Variants in EXOC6B observed in about 807,000 individuals in gnomAD.
EXOC6B encodes SEC15 homolog B.
EXOC6B carries 54 observed loss-of-function variants against 113.5 expected under a neutral mutation model. The ratio of observed to expected loss-of-function variants is 0.48; its 90% CI spans 0.38 to 0.60. EXOC6B has a LOEUF of 0.60. EXOC6B is among the 20% of genes least tolerant of loss of function. The pLI is 0.00. For synonymous variants in EXOC6B, 357 were observed against 339.0 expected (o/e 1.05, Z -0.58); for missense variants, 797 against 977.5 (o/e 0.82, Z 2.46).
intron 20 of EXOC6B, among the ~76,000 whole-genome samples, chr2:72,222,240 C>T (rs1343308221): frequency 6.6e-6 from 1 of 152,270 alleles, no homozygotes; most frequent in Non-Finnish European, 1.5e-5. Flanking sequence ...ACTATGACTG[C>T]CACTCTACAC....
chr2:72,552,205 T>A (rs545057485), intron 8 of EXOC6B, among the ~76,000 whole-genome samples: 95 of 152,190 alleles, frequency 6.2e-4, no homozygotes, highest in African/African-American at 2.0e-3. Flanking sequence ...GGGAAAAAAA[T>A]TCATTAAATT....
At chr2:72,728,963 G>A (rs1362526488) in intron 5 of EXOC6B, among the ~76,000 whole-genome samples, 1 of 152,112 alleles carries the variant, frequency 6.6e-6, no homozygotes, top group Admixed American at 6.5e-5. Context: ...CTGCCTACTA[G>A]TATGCAAGCC....
chr2:72,194,214 C>A (rs1399012963), intron 20 of EXOC6B, among the ~76,000 whole-genome samples: 1 of 151,972 alleles, frequency 6.6e-6, no homozygotes, highest in African/African-American at 2.4e-5. Context: ...TAACAACTGG[C>A]GTAAGAATTA....
Position 72,718,280 on chromosome 2 carries a change from T to G in EXOC6B, c.492A>C (p.Glu164Asp), listed in dbSNP as rs1435768789. 7 of 1,613,598 alleles carry G rather than the reference T, an allele frequency of 4.3e-6. No individual in the cohort carries two copies. In the Admixed American group the frequency reaches 1.2e-4, roughly 27 times the overall value. The change falls in exon 6 of 22, where the codon GAA becomes GAC. Residue 164 changes from glutamate to aspartate, a missense_variant. Glu to Asp is a conservative substitution (Grantham distance 45). Coordinates refer to ENST00000272427, the MANE Select transcript of EXOC6B (RefSeq NM_015189.3). ...KRHYPALKTL[E>D]HLEHTYLPQV... Reference sequence around the variant, plus strand: ...GAGGCAGGTAGGTATGCTCTAGATGTTCCAGAGTTTTCAGTGCAGGATAAT... The same window carrying G: ...GAGGCAGGTAGGTATGCTCTAGATGGTCCAGAGTTTTCAGTGCAGGATAAT...
At chr2:72,338,750 C>T (rs189842328) in intron 19 of EXOC6B, among the ~76,000 whole-genome samples, 1 of 151,914 alleles carries the variant, frequency 6.6e-6, no homozygotes, top group Admixed American at 6.6e-5. Flanking sequence ...ATATAATACG[C>T]ACAGAAAACA....
intron 18 of EXOC6B, among the ~76,000 whole-genome samples, chr2:72,423,019 C>A (rs1694993563): frequency 6.6e-6 from 1 of 152,176 alleles, no homozygotes; most frequent in Non-Finnish European, 1.5e-5. Context: ...AAGCTTTATT[C>A]TTTCGCTCTT....
chr2:72,189,493 T>G (rs186319160), intron 20 of EXOC6B, among the ~76,000 whole-genome samples: 1 of 152,362 alleles, frequency 6.6e-6, no homozygotes, highest in East Asian at 1.9e-4. Context: ...CTGGTTATTA[T>G]GTTTTCCTTT....
At chr2:72,393,843 A>C (rs1692547166) in intron 18 of EXOC6B, among the ~76,000 whole-genome samples, 1 of 152,224 alleles carries the variant, frequency 6.6e-6, no homozygotes, top group Non-Finnish European at 1.5e-5. Flanking sequence ...AACAACAATA[A>C]CACCACCAAC....
At chr2:72,278,066 C>A (rs1180470384) in intron 20 of EXOC6B, among the ~76,000 whole-genome samples, 1 of 152,120 alleles carries the variant, frequency 6.6e-6, no homozygotes, top group Non-Finnish European at 1.5e-5. Flanking sequence ...CCATACTAAG[C>A]ATTCAAAAAA....
intron 18 of EXOC6B, among the ~76,000 whole-genome samples, chr2:72,407,975 C>T (rs1020561412): frequency 1.3e-5 from 2 of 152,208 alleles, no homozygotes; most frequent in Non-Finnish European, 2.9e-5. Flanking sequence ...CCCATCGTCT[C>T]AGCCCAAAAT....
chr2:72,817,678 T>C lies in EXOC6B; in HGVS notation c.113+8120A>G, dbSNP rs1686330504. 3.9e-5 allele frequency among the ~76,000 whole-genome samples: 6 copies of C among 152,370 alleles called. No individual in the cohort carries two copies. The South Asian group carries it at 1.2e-3, about 32-fold the overall frequency. On this transcript the variant is annotated intron_variant, in intron 1 of 21. Transcript: ENST00000272427. Reference sequence around the variant, plus strand: ...AAGAAAAGTAAAGTTCCTCCCTTTATTGTTCCCTATCCCAATAATTGGCAT... The same window carrying C: ...AAGAAAAGTAAAGTTCCTCCCTTTACTGTTCCCTATCCCAATAATTGGCAT...
chr2:72,307,822 A>T (rs1291027269), intron 20 of EXOC6B, among the ~76,000 whole-genome samples: 2 of 152,174 alleles, frequency 1.3e-5, no homozygotes, highest in Non-Finnish European at 2.9e-5. Context: ...GTTCTTATAC[A>T]TCTCTTCCAC....
At chr2:72,691,837 C>A (rs563606192) in intron 6 of EXOC6B, among the ~76,000 whole-genome samples, 1 of 148,164 alleles carries the variant, frequency 6.7e-6, no homozygotes, top group Admixed American at 6.7e-5. Context: ...GCCCACCACC[C>A]CACCTGGATT....
chr2:72,563,796 C>A (rs1304407440), intron 7 of EXOC6B, among the ~76,000 whole-genome samples: 1 of 151,966 alleles, frequency 6.6e-6, no homozygotes, highest in Non-Finnish European at 1.5e-5. Flanking sequence ...AAGAAAGTCT[C>A]TAAGAACGGA....
chr2:72,509,458 A>G (rs905035657), intron 11 of EXOC6B, among the ~76,000 whole-genome samples: 2 of 152,208 alleles, frequency 1.3e-5, no homozygotes, highest in African/African-American at 4.8e-5. Context: ...TAAATTTTTT[A>G]TGGTTGTAGA....
intron 18 of EXOC6B, chr2:72,462,824 T>C (rs896201265): frequency 6.6e-6 from 1 of 152,122 alleles, no homozygotes; most frequent in Non-Finnish European, 1.5e-5. Context: ...TTATAGAACT[T>C]CTAAAGTGTT....
intron 20 of EXOC6B, among the ~76,000 whole-genome samples, chr2:72,262,047 T>G (rs1683756633): frequency 6.6e-6 from 1 of 152,168 alleles, no homozygotes; most frequent in African/African-American, 2.4e-5. Flanking sequence ...CTGATTTCAG[T>G]TAGTATTCTT....
chr2:72,700,183 G>A (rs1432926292), intron 6 of EXOC6B, among the ~76,000 whole-genome samples: 2 of 151,250 alleles, frequency 1.3e-5, no homozygotes, highest in African/African-American at 4.9e-5. Context: ...GCCACTGGCT[G>A]AATCTGTGGA....
intron 6 of EXOC6B, among the ~76,000 whole-genome samples, chr2:72,597,928 C>A (rs921338569): frequency 6.6e-6 from 1 of 151,710 alleles, no homozygotes; most frequent in Non-Finnish European, 1.5e-5. Context: ...CAACAGAGCA[C>A]CAATATGCAT....
Sources: allele counts gnomAD v4.1 joint callset (sites outside exome capture counted in the v4.1 genomes callset), GRCh38; gene constraint gnomAD v4.1.1; transcripts MANE v1.5; gene names NCBI Gene and HGNC (gene_info 2026-07-23, HGNC 2026-07-21).